The following LRRC4C variants were observed in gnomAD, a reference collection of about 807,000 sequenced individuals.
The protein encoded by LRRC4C is leucine-rich repeat-containing protein 4C.
LRRC4C carries 5 observed loss-of-function variants against 33.6 expected under a neutral mutation model. That is an observed-to-expected ratio of 0.15 (90% CI 0.08 to 0.31). The LOEUF is 0.31. Among genes scored for constraint, LRRC4C ranks in the 10% least tolerant of loss-of-function variants. The probability of loss-of-function intolerance (pLI) is 1.00; values close to 1 mark genes in which losing one functional copy is unlikely to be tolerated. For missense variants in LRRC4C, 560 were observed against 796.7 expected (o/e 0.70, Z 3.58); for synonymous variants, 329 against 302.0 (o/e 1.09, Z -0.93).
chr11:40,904,588 G>C (rs752245899), intron 2 of LRRC4C, among the ~76,000 whole-genome samples: 1 of 152,130 alleles, frequency 6.6e-6, no homozygotes, highest in African/African-American at 2.4e-5. Flanking sequence ...AATTCTGGGG[G>C]AGTGGCAAGT....
At chr11:41,371,612 G>A (rs1565620476) in intron 1 of LRRC4C, among the ~76,000 whole-genome samples, 1 of 152,314 alleles carries the variant, frequency 6.6e-6, no homozygotes, top group South Asian at 2.1e-4. Context: ...ATCAAATGGG[G>A]ATAGTTTCTG....
At chr11:40,336,001 A>G (rs374429531) in intron 3 of LRRC4C, among the ~76,000 whole-genome samples, 8 of 152,332 alleles carry the variant, frequency 5.3e-5, no homozygotes, top group African/African-American at 1.4e-4. Flanking sequence ...CATGTTAAGC[A>G]CACAGACCAG....
At chr11:40,157,757 A>G (rs1014964449) in intron 5 of LRRC4C, among the ~76,000 whole-genome samples, 15 of 152,208 alleles carry the variant, frequency 9.9e-5, no homozygotes, top group Non-Finnish European at 1.5e-5. Context: ...GTCAAAAAAC[A>G]GTAGATGCTG....
intron 1 of LRRC4C, among the ~76,000 whole-genome samples, chr11:41,205,542 G>A (rs1289806972): frequency 6.6e-6 from 1 of 152,170 alleles, no homozygotes; most frequent in African/African-American, 2.4e-5. Context: ...CTAAATCACA[G>A]AGTCAATACC....
At chr11:40,161,984 G>T (rs1366612081) in intron 5 of LRRC4C, among the ~76,000 whole-genome samples, 1 of 152,068 alleles carries the variant, frequency 6.6e-6, no homozygotes, top group Admixed American at 6.5e-5. Context: ...TCACAGTCCT[G>T]GAGGCTGAGA....
At chr11:40,364,507 T>A (rs1342229001) in intron 3 of LRRC4C, among the ~76,000 whole-genome samples, 2 of 152,006 alleles carry the variant, frequency 1.3e-5, no homozygotes, top group Non-Finnish European at 2.9e-5. Flanking sequence ...CTTGAATACA[T>A]AGAAACTACC....
chr11:40,321,383 G>T (rs923704308), intron 3 of LRRC4C, among the ~76,000 whole-genome samples: 1 of 152,234 alleles, frequency 6.6e-6, no homozygotes, highest in East Asian at 1.9e-4. Flanking sequence ...TAGAATAAAA[G>T]AAACTAATTT....
At chr11:40,610,653 C>T (rs186058807) in intron 3 of LRRC4C, among the ~76,000 whole-genome samples, 14 of 151,876 alleles carry the variant, frequency 9.2e-5, no homozygotes, top group African/African-American at 3.4e-4. Context: ...ACTATTAGAA[C>T]TAAATAAGGC....
intron 1 of LRRC4C, among the ~76,000 whole-genome samples, chr11:41,142,559 G>A (rs1943554371): frequency 6.6e-6 from 1 of 152,050 alleles, no homozygotes; most frequent in Admixed American, 6.6e-5. Context: ...TGCTAGAACG[G>A]GACAGAGATT....
chr11:41,240,891 A>G (rs1948224682), intron 1 of LRRC4C, among the ~76,000 whole-genome samples: 1 of 152,140 alleles, frequency 6.6e-6, no homozygotes, highest in Non-Finnish European at 1.5e-5. Flanking sequence ...TTCTTTGTAG[A>G]CTAGAAACAC....
At chr11:40,902,137 G>T (rs1404481695) in intron 2 of LRRC4C, among the ~76,000 whole-genome samples, 2 of 151,502 alleles carry the variant, frequency 1.3e-5, no homozygotes, top group Admixed American at 1.3e-4. Flanking sequence ...ACCTTGCATT[G>T]AACAATTCGA....
intron 3 of LRRC4C, among the ~76,000 whole-genome samples, chr11:40,332,544 A>C (rs1459495169): frequency 6.6e-6 from 1 of 152,168 alleles, no homozygotes; most frequent in East Asian, 1.9e-4. Flanking sequence ...ACACAATTCA[A>C]CTCACAACAA....
At chr11:41,442,451 CTTTTTTCTTTTTTTTTTTT>C (rs1955652928) in intron 1 of LRRC4C, among the ~76,000 whole-genome samples, 1 of 100,896 alleles carries the variant, frequency 9.9e-6, no homozygotes, top group Non-Finnish European at 2.1e-5. Flanking sequence ...CTCTTTGTTG[CTTTTTTCTTTTTTTTTTTT>C]TTTTTTTTTT....
At chr11:40,312,320 A>G (rs1275612168) in intron 4 of LRRC4C, among the ~76,000 whole-genome samples, 2 of 152,158 alleles carry the variant, frequency 1.3e-5, no homozygotes, top group Non-Finnish European at 2.9e-5. Flanking sequence ...TTTTAATCCC[A>G]TTTCTACCTT....
chr11:40,488,433 G>T (rs1035881634), intron 3 of LRRC4C, among the ~76,000 whole-genome samples: 1 of 151,968 alleles, frequency 6.6e-6, no homozygotes, highest in Non-Finnish European at 1.5e-5. Context: ...GGGGGAAATA[G>T]AGTCTTTTTT....
chr11:40,628,408 G>C (rs1468822077), intron 3 of LRRC4C, among the ~76,000 whole-genome samples: 1 of 152,126 alleles, frequency 6.6e-6, no homozygotes, highest in Non-Finnish European at 1.5e-5. Flanking sequence ...AACCCGGGAG[G>C]CAGAGCTTGC....
At chr11:41,402,392 A>G (rs1269943458) in intron 1 of LRRC4C, among the ~76,000 whole-genome samples, 1 of 152,058 alleles carries the variant, frequency 6.6e-6, no homozygotes, top group African/African-American at 2.4e-5. Flanking sequence ...TGGTATGGTT[A>G]ATCAGAATCC....
At chr11:41,395,886 C>G (rs1383650633) in intron 1 of LRRC4C, among the ~76,000 whole-genome samples, 1 of 152,106 alleles carries the variant, frequency 6.6e-6, no homozygotes, top group Non-Finnish European at 1.5e-5. Context: ...TCTCAGGGAA[C>G]TAAAAGTAGT....
rs1852753123 is a variant in LRRC4C at position 40,984,185 on chromosome 11, AAGGAAGGAAGGT to A, written c.-495-50474_-495-50463del. On this transcript the variant is annotated intron_variant, in intron 1 of 6. Coordinates refer to ENST00000528697, the MANE Select transcript of LRRC4C (RefSeq NM_001258419.2). ...AGAAAGAAAAGAAAGGAAGGAAAGG[AAGGAAGGAAGGT>A]AGGAAGGAAGGAAAGAAGGAAGGAA... Among the ~76,000 whole-genome samples the A allele has an allele frequency of 2.0e-5, 3 of 150,586 alleles. No individual in the cohort carries two copies. The South Asian group carries it at 6.4e-4, about 32-fold the overall frequency.
Sources: gnomAD v4.1 joint callset for allele counts (sites outside exome capture counted in the v4.1 genomes callset) on GRCh38, gnomAD v4.1.1 for gene constraint, MANE v1.5 for transcripts, NCBI Gene and HGNC (gene_info 2026-07-23, HGNC 2026-07-21) for gene names.